The following TTC28 variants were observed in gnomAD, a reference collection of about 807,000 sequenced individuals.
TTC28 encodes tetratricopeptide repeat protein 28.
In TTC28, 61 loss-of-function variants were observed where a neutral mutation model predicts 198.0. The ratio of observed to expected loss-of-function variants is 0.31; its 90% confidence interval spans 0.25 to 0.38. The LOEUF (loss-of-function observed/expected upper bound fraction) is 0.38, where lower values mean the gene tolerates loss of function less well. Among genes scored for constraint, TTC28 ranks in the 10% least tolerant of loss-of-function variants. The pLI, the probability that TTC28 is intolerant of heterozygous loss-of-function variation, is 1.00. For synonymous variants in TTC28, 1,171 were observed against 1,297.8 expected, an observed-to-expected ratio of 0.90 and a Z score of 2.10; for missense variants, 2,678 against 3,164.0, an observed-to-expected ratio of 0.85 and a Z score of 3.69.
At chr22:28,427,254 C>T (rs982813350) in intron 2 of TTC28, among the ~76,000 whole-genome samples, 1 of 152,174 alleles carries the variant, frequency 6.6e-6, no homozygotes, top group Admixed American at 6.5e-5. Context: ...TTTTACCTTT[C>T]TGCTGCTATC....
chr22:28,500,556 C>A (rs1301756966), intron 2 of TTC28, among the ~76,000 whole-genome samples: 1 of 152,026 alleles, frequency 6.6e-6, no homozygotes, highest in African/African-American at 2.4e-5. Context: ...ACAGTAAAAC[C>A]AGTCTAATCT....
At chr22:28,408,180 G>A (rs562062528) in intron 2 of TTC28, among the ~76,000 whole-genome samples, 4 of 151,888 alleles carry the variant, frequency 2.6e-5, no homozygotes, top group South Asian at 4.2e-4. Flanking sequence ...AATAAATAAC[G>A]TTTCTAAAAC....
At chr22:28,245,049 G>C (rs145707245) in intron 5 of TTC28, among the ~76,000 whole-genome samples, 263 of 152,246 alleles carry the variant, frequency 1.7e-3, no homozygotes, top group African/African-American at 6.0e-3. Flanking sequence ...AATGCCCTTA[G>C]AGCCAGCTAG....
intron 12 of TTC28, among the ~76,000 whole-genome samples, chr22:28,061,267 G>A (rs1940525868): frequency 6.6e-6 from 1 of 152,170 alleles, no homozygotes; most frequent in South Asian, 2.1e-4. Flanking sequence ...ATTGCTTTTG[G>A]TGTTTTAGAC....
intron 2 of TTC28, among the ~76,000 whole-genome samples, chr22:28,465,485 G>A (rs954442349): frequency 1.6e-4 from 25 of 152,132 alleles, no homozygotes; most frequent in Middle Eastern, 6.8e-3. Flanking sequence ...TTAGGCCGGC[G>A]TGGTGGTGTG....
intron 2 of TTC28, among the ~76,000 whole-genome samples, chr22:28,625,383 G>T (rs1462471879): frequency 6.6e-6 from 1 of 152,072 alleles, no homozygotes; most frequent in African/African-American, 2.4e-5. Flanking sequence ...ACAAAGTACA[G>T]AAAATACATT....
intron 5 of TTC28, among the ~76,000 whole-genome samples, chr22:28,223,286 A>G (rs757111330): frequency 1.3e-5 from 2 of 152,244 alleles, no homozygotes; most frequent in Non-Finnish European, 2.9e-5. Flanking sequence ...GAATTTATAC[A>G]GTAGCATAAG....
At chr22:28,662,152 T>C (rs977992871) in intron 1 of TTC28, among the ~76,000 whole-genome samples, 24 of 152,242 alleles carry the variant, frequency 1.6e-4, no homozygotes, top group African/African-American at 5.3e-4. Context: ...TAATGTCAAA[T>C]ACTGCTTGAT....
At chr22:28,671,821 G>A (rs1026351058) in intron 1 of TTC28, among the ~76,000 whole-genome samples, 2 of 150,226 alleles carry the variant, frequency 1.3e-5, no homozygotes, top group Non-Finnish European at 1.5e-5. Flanking sequence ...GATTACAGGC[G>A]CCTGCCACCA....
intron 6 of TTC28, among the ~76,000 whole-genome samples, chr22:28,123,611 G>T (rs746997733): frequency 5.4e-4 from 82 of 152,188 alleles, no homozygotes; most frequent in Non-Finnish European, 1.0e-3. Context: ...TTACATTTTA[G>T]GGTCCTTACG....
At chr22:28,674,495 T>C (rs2051945642) in intron 1 of TTC28, among the ~76,000 whole-genome samples, 1 of 152,114 alleles carries the variant, frequency 6.6e-6, no homozygotes. Flanking sequence ...ACTATGCAAT[T>C]ATACATATGA....
At chr22:28,313,746 G>A (rs1364053010) in intron 2 of TTC28, among the ~76,000 whole-genome samples, 1 of 152,118 alleles carries the variant, frequency 6.6e-6, no homozygotes, top group African/African-American at 2.4e-5. Context: ...CAAACCCACA[G>A]CCAATATCCT....
chr22:28,624,441 A>C (rs1327563158), intron 2 of TTC28, among the ~76,000 whole-genome samples: 3 of 152,140 alleles, frequency 2.0e-5, no homozygotes, highest in African/African-American at 7.2e-5. Flanking sequence ...ATTAAAAAGG[A>C]TAATAAAGGA....
chr22:28,558,871 C>A (rs1172105000), intron 2 of TTC28, among the ~76,000 whole-genome samples: 1 of 151,834 alleles, frequency 6.6e-6, no homozygotes, highest in East Asian at 2.0e-4. Context: ...CCTGTCTCTA[C>A]TAAAAGTACA....
chr22:28,171,122 C>A (rs1401365857), intron 5 of TTC28, among the ~76,000 whole-genome samples: 1 of 151,898 alleles, frequency 6.6e-6, no homozygotes, highest in African/African-American at 2.4e-5. Context: ...TACATGGTTT[C>A]TAGAATCTTA....
Position 28,408,725 on chromosome 22 carries a change from C to T in TTC28, c.382-102082G>A, listed in dbSNP as rs1472745658. ...TTTAAAACTCAATCTTAAGCCAGTGCTTTTCTACAGATGACTTACAATGAC... is the reference window on the plus strand; with the variant it reads ...TTTAAAACTCAATCTTAAGCCAGTGTTTTTCTACAGATGACTTACAATGAC... On this transcript the variant is annotated intron_variant, in intron 2 of 22. Coordinates refer to ENST00000397906, the MANE Select transcript of TTC28 (RefSeq NM_001145418.2). Among the ~76,000 whole-genome samples the T allele has an allele frequency of 3.9e-5, 6 of 152,308 alleles. 1 individual carries two copies. In the East Asian group the frequency reaches 1.2e-3, roughly 29 times the overall value.
At chr22:28,180,909 A>C (rs576989402) in intron 5 of TTC28, among the ~76,000 whole-genome samples, 1 of 152,296 alleles carries the variant, frequency 6.6e-6, no homozygotes, top group East Asian at 1.9e-4. Flanking sequence ...TACTACCATC[A>C]ATCTAACCAG....
intron 5 of TTC28, among the ~76,000 whole-genome samples, chr22:28,165,200 C>G (rs992907209): frequency 1.3e-5 from 2 of 152,314 alleles, no homozygotes; most frequent in Non-Finnish European, 2.9e-5. Flanking sequence ...ATCTACATCT[C>G]ATTGGTGTAC....
chr22:28,343,409 A>C (rs867364977), intron 2 of TTC28, among the ~76,000 whole-genome samples: 14 of 152,184 alleles, frequency 9.2e-5, no homozygotes, highest in African/African-American at 2.9e-4. Context: ...AGGTGCCTGT[A>C]ATCCCAGCCA....
Sources: allele counts gnomAD v4.1 joint callset (sites outside exome capture counted in the v4.1 genomes callset), GRCh38; gene constraint gnomAD v4.1.1; transcripts MANE v1.5; gene names NCBI Gene and HGNC (gene_info 2026-07-23, HGNC 2026-07-21).